KATNBL1: variants seen among roughly 807,000 people sequenced by gnomAD.
KATNBL1 encodes the protein KATNB1-like protein 1.
A neutral mutation model predicts 44.7 loss-of-function variants in KATNBL1; 28 were observed. The observed-to-expected ratio is 0.63, with a 90% CI of 0.46 to 0.86. The LOEUF (loss-of-function observed/expected upper bound fraction) is 0.86. Among genes scored for constraint, KATNBL1 ranks in the 40% least tolerant of loss-of-function variants. KATNBL1 has a pLI of 0.00. For missense variants in KATNBL1, 272 were observed against 350.7 expected (o/e 0.78, Z 1.79); for synonymous variants, 78 against 114.9 (o/e 0.68, Z 2.06).
Position 34,142,194 on chromosome 15 carries a change from G to A in KATNBL1, c.*145C>T, listed in dbSNP as rs545835102. The A allele has an allele frequency of 2.8e-6, 2 of 710,892 alleles. No individual in the cohort carries two copies. The highest frequency in any genetic ancestry group is 3.7e-5 in the African/African-American group (2 of 53,542). The allele number at this position is 710,892 out of a possible 1,614,324, so 44.0% of individuals were successfully genotyped here. A position where few individuals can be genotyped will look rare whatever the true frequency, so the allele number is the denominator to read the frequency against. ...GCAGATTGCTGGGATTTCATTAGTG[G>A]TTTCATTACGTGGCTTTTTAAAAGA... On this transcript the variant is annotated 3_prime_UTR_variant, in exon 10 of 10. Transcript: ENST00000256544.
intron 1 of KATNBL1, among the ~76,000 whole-genome samples, chr15:34,207,292 T>G (rs914031775): frequency 3.3e-5 from 5 of 152,274 alleles, no homozygotes; most frequent in African/African-American, 9.6e-5. Context: ...CACTGCAACC[T>G]CTGCCTCCTG....
chr15:34,142,619 G>A, intron 9 of KATNBL1: 1 of 383,670 alleles, frequency 2.6e-6, no homozygotes, highest in South Asian at 4.2e-5. Context: ...AAACAACTCT[G>A]CTTTCATAGC....
chr15:34,188,408 T>A (rs1267477822), intron 1 of KATNBL1, among the ~76,000 whole-genome samples: 2 of 151,230 alleles, frequency 1.3e-5, no homozygotes, highest in African/African-American at 2.4e-5. Context: ...ATACAAAAAT[T>A]AGCCAGGCAT....
chr15:34,180,860 C>T (rs1017623183), intron 1 of KATNBL1, among the ~76,000 whole-genome samples: 33 of 151,902 alleles, frequency 2.2e-4, no homozygotes, highest in Non-Finnish European at 4.4e-4. Context: ...CCCAGGAGTT[C>T]GATACCAGCC....
At chr15:34,148,602 T>C (rs775259084) in intron 5 of KATNBL1, 30 bp downstream of exon 5, 4 of 1,269,110 alleles carry the variant, frequency 3.2e-6, no homozygotes, top group Non-Finnish European at 4.6e-6. Flanking sequence ...AAAAAGTGAT[T>C]GAACAAAGAG....
chr15:34,182,998 T>C (rs11854686), intron 1 of KATNBL1, among the ~76,000 whole-genome samples: 50,326 of 152,082 alleles, frequency 0.33, 8,840 homozygotes, highest in African/African-American at 0.47. Context: ...CAGCTATCCA[T>C]GGCTTTTCAC....
chr15:34,143,204 G>A (rs1428257047), intron 9 of KATNBL1, among the ~76,000 whole-genome samples: 1 of 151,746 alleles, frequency 6.6e-6, no homozygotes, highest in Non-Finnish European at 1.5e-5. Context: ...GCCGGGTGTG[G>A]TGGCTCCCGC....
chr15:34,159,734 T>C (rs1371656165), intron 2 of KATNBL1, among the ~76,000 whole-genome samples: 2 of 152,192 alleles, frequency 1.3e-5, no homozygotes, highest in Non-Finnish European at 2.9e-5. Flanking sequence ...CCATGATTGA[T>C]TTGGAGGCCT....
At chr15:34,198,291 A>G (rs930903989) in intron 1 of KATNBL1, 2 of 152,114 alleles carry the variant, frequency 1.3e-5, no homozygotes, top group African/African-American at 4.8e-5. Flanking sequence ...AAACTTCCCA[A>G]TCTTTCCTGC....
chr15:34,148,549 C>T, intron 5 of KATNBL1, 83 bp downstream of exon 5: 1 of 780,702 alleles, frequency 1.3e-6, no homozygotes, highest in Admixed American at 1.9e-5. Context: ...GATTGTGCCA[C>T]TGTACTCCAA....
chr15:34,201,017 A>G (rs138799164), intron 1 of KATNBL1, among the ~76,000 whole-genome samples: 227 of 152,104 alleles, frequency 1.5e-3, no homozygotes, highest in Non-Finnish European at 2.0e-3. Flanking sequence ...GGGTTTCACC[A>G]TGTTGGCCAG....
chr15:34,173,295 G>A (rs774803140), intron 1 of KATNBL1, among the ~76,000 whole-genome samples: 1 of 152,072 alleles, frequency 6.6e-6, no homozygotes, highest in Non-Finnish European at 1.5e-5. Flanking sequence ...AGACCTACAA[G>A]GTACATCATT....
At chr15:34,182,644 T>C (rs1225902086) in intron 1 of KATNBL1, among the ~76,000 whole-genome samples, 1 of 152,202 alleles carries the variant, frequency 6.6e-6, no homozygotes, top group South Asian at 2.1e-4. Flanking sequence ...ATGATTTTTT[T>C]CTATACAAAT....
chr15:34,204,194 A>T (rs986199945), intron 1 of KATNBL1, among the ~76,000 whole-genome samples: 6 of 152,078 alleles, frequency 3.9e-5, no homozygotes, highest in African/African-American at 1.2e-4. Context: ...ACATGAACTG[A>T]GGAAAAATAA....
chr15:34,166,714 G>C (rs1888988450), intron 1 of KATNBL1, among the ~76,000 whole-genome samples: 1 of 152,172 alleles, frequency 6.6e-6, no homozygotes, highest in Non-Finnish European at 1.5e-5. Context: ...ATACAGGTGG[G>C]TTCCCCTCTG....
chr15:34,147,122 A>G, intron 7 of KATNBL1, 78 bp downstream of exon 7: 1 of 846,262 alleles, frequency 1.2e-6, no homozygotes, highest in South Asian at 1.5e-5. Context: ...ATGGAGCCCA[A>G]TCTACTATGT....
chr15:34,154,590 C>T, intron 3 of KATNBL1, 54 bp downstream of exon 3: 3 of 1,118,814 alleles, frequency 2.7e-6, no homozygotes, highest in Non-Finnish European at 4.1e-6. Context: ...TTATTGTCAT[C>T]CTTACCCAGC....
At chr15:34,147,475 C>A in intron 5 of KATNBL1, 45 bp from the exon 6 acceptor site, 2 of 1,437,158 alleles carry the variant, frequency 1.4e-6, no homozygotes, top group South Asian at 2.4e-5. Flanking sequence ...AGCTGATTTC[C>A]TTATTTACTT....
chr15:34,198,875 T>C (rs971667085), intron 1 of KATNBL1, among the ~76,000 whole-genome samples: 1 of 152,246 alleles, frequency 6.6e-6, no homozygotes, highest in Non-Finnish European at 1.5e-5. Flanking sequence ...AACTATTATA[T>C]AGGTACAGCA....
Sources: gnomAD v4.1 joint callset for allele counts (sites outside exome capture counted in the v4.1 genomes callset) on GRCh38, gnomAD v4.1.1 for gene constraint, MANE v1.5 for transcripts, NCBI Gene and HGNC (gene_info 2026-07-23, HGNC 2026-07-21) for gene names.